Variants in GRM1 observed in about 807,000 individuals in gnomAD.
The protein encoded by GRM1 is metabotropic glutamate receptor 1.
Under a neutral mutation model 90.9 loss-of-function variants are expected in GRM1, and 33 were observed. That is an observed-to-expected ratio of 0.36 (90% confidence interval 0.28 to 0.49). The LOEUF is 0.49. Ranked by LOEUF, GRM1 falls within the 20% of genes least tolerant of loss-of-function variation. The probability of loss-of-function intolerance (pLI) is 0.99; values close to 1 mark genes in which losing one functional copy is unlikely to be tolerated. For missense variants in GRM1, 1,190 were observed against 1,534.3 expected (o/e 0.78, Z 3.75); for synonymous variants, 700 against 613.2 (o/e 1.14, Z -2.09).
chr6:146,048,230 GA>G (rs1226261369), intron 1 of GRM1, among the ~76,000 whole-genome samples: 5 of 151,960 alleles, frequency 3.3e-5, no homozygotes, highest in Non-Finnish European at 7.4e-5. Flanking sequence ...GTTTTGTTAA[GA>G]GGCAATCTAA....
intron 2 of GRM1, among the ~76,000 whole-genome samples, chr6:146,189,230 C>T (rs185355207): frequency 3.8e-4 from 58 of 152,194 alleles, no homozygotes; most frequent in Non-Finnish European, 7.1e-4. Flanking sequence ...CCTTAAGATC[C>T]TTGATCTGGT....
At chr6:146,163,858 C>T (rs866355758) in intron 2 of GRM1, among the ~76,000 whole-genome samples, 44 of 152,094 alleles carry the variant, frequency 2.9e-4, no homozygotes, top group Middle Eastern at 6.8e-3. Flanking sequence ...TTAAATATTT[C>T]CTATGATAAT....
chr6:146,086,582 T>C (rs1279672224), intron 1 of GRM1, among the ~76,000 whole-genome samples: 1 of 151,918 alleles, frequency 6.6e-6, no homozygotes, highest in Non-Finnish European at 1.5e-5. Context: ...GAGATAAATA[T>C]ATTGATTTTA....
At chr6:146,341,450 A>G (rs1784977611) in intron 3 of GRM1, among the ~76,000 whole-genome samples, 2 of 152,216 alleles carry the variant, frequency 1.3e-5, no homozygotes, top group South Asian at 2.1e-4. Flanking sequence ...CATAAAAATG[A>G]ACATGGAATA....
chr6:146,252,274 A>G (rs1282122337), intron 2 of GRM1, among the ~76,000 whole-genome samples: 1 of 152,214 alleles, frequency 6.6e-6, no homozygotes, highest in Non-Finnish European at 1.5e-5. Context: ...GGTTTGATTC[A>G]CTTTTTAATA....
chr6:146,159,259 A>T, intron 1 of GRM1, 89 bp from the exon 2 acceptor site: 4 of 1,527,140 alleles, frequency 2.6e-6, no homozygotes, highest in Non-Finnish European at 3.6e-6. Context: ...CGTTCTCTCC[A>T]TTCCTGTGAC....
Position 146,436,785 on chromosome 6 carries a change from A to T in GRM1, c.*1989A>T, listed in dbSNP as rs1285734863. ...CTTTGTTTATGCCTTATGTTCAGTC[A>T]TATTTTAATATGCTTCCTTCATATT... On this transcript the variant is annotated 3_prime_UTR_variant, in exon 8 of 8. Coordinates refer to ENST00000282753, the MANE Select transcript of GRM1 (RefSeq NM_001278064.2). The T allele has an allele frequency of 1.3e-5, 2 of 152,630 alleles. No homozygotes were observed. Among genetic ancestry groups the T allele is most frequent in the African/African-American group, 4.8e-5 (2 of 41,464 alleles). The allele number at this position is 152,630 out of a possible 1,614,324, so 9.5% of individuals were successfully genotyped here. A position where few individuals can be genotyped will look rare whatever the true frequency, so the allele number is the denominator to read the frequency against.
intron 1 of GRM1, among the ~76,000 whole-genome samples, chr6:146,034,794 C>T (rs772877448): frequency 6.6e-6 from 1 of 151,928 alleles, no homozygotes; most frequent in Non-Finnish European, 1.5e-5. Flanking sequence ...TACTACCTTG[C>T]AAATGTATAA....
At chr6:146,214,239 A>G (rs563462557) in intron 2 of GRM1, among the ~76,000 whole-genome samples, 8 of 152,336 alleles carry the variant, frequency 5.3e-5, no homozygotes, top group South Asian at 4.2e-4. Context: ...ACTGCTCTCT[A>G]TAATACTCCA....
intron 7 of GRM1, among the ~76,000 whole-genome samples, chr6:146,424,531 T>C (rs1778126711): frequency 6.6e-6 from 1 of 152,196 alleles, no homozygotes; most frequent in African/African-American, 2.4e-5. Context: ...ATTTCCCCAT[T>C]GACCATCACT....
chr6:146,248,282 A>G (rs958819962), intron 2 of GRM1, among the ~76,000 whole-genome samples: 2 of 152,216 alleles, frequency 1.3e-5, no homozygotes, highest in African/African-American at 4.8e-5. Flanking sequence ...TGTATAAATT[A>G]CTGTCAAGAT....
intron 3 of GRM1, among the ~76,000 whole-genome samples, chr6:146,321,321 G>A (rs571891897): frequency 2.6e-5 from 4 of 152,106 alleles, no homozygotes; most frequent in Non-Finnish European, 2.9e-5. Context: ...ATTTGACTAC[G>A]CTGTCGTCTG....
Position 146,049,407 on chromosome 6 carries a change from C to T in GRM1, c.700+19190C>T, listed in dbSNP as rs193177044. Reference sequence around the variant, plus strand: ...ACCCCCCTTTTCTCCTTTTCTTACACGTCAGTACTCCAGGATTTACGACTT... The same window carrying T: ...ACCCCCCTTTTCTCCTTTTCTTACATGTCAGTACTCCAGGATTTACGACTT... On this transcript the variant is annotated intron_variant, in intron 1 of 7. Transcript: ENST00000282753. Among the ~76,000 whole-genome samples the T allele has an allele frequency of 1.6e-3, 245 of 152,060 alleles. 2 individuals carry two copies. Among genetic ancestry groups the T allele is most frequent in the Non-Finnish European group, 1.1e-3 (77 of 67,938 alleles).
intron 5 of GRM1, among the ~76,000 whole-genome samples, chr6:146,380,711 C>T (rs1776289915): frequency 6.6e-6 from 1 of 152,074 alleles, no homozygotes; most frequent in Admixed American, 6.6e-5. Flanking sequence ...CCATATCCAC[C>T]ACAGCTGGTA....
chr6:146,086,249 C>T (rs1776541462), intron 1 of GRM1, among the ~76,000 whole-genome samples: 1 of 152,144 alleles, frequency 6.6e-6, no homozygotes, highest in African/African-American at 2.4e-5. Context: ...GATAGCTATA[C>T]AAACTCTGAT....
rs1374865690 is a variant in GRM1 at position 146,434,899 on chromosome 6, G to C, written c.*103G>C. On this transcript the variant is annotated 3_prime_UTR_variant, in exon 8 of 8. Coordinates refer to ENST00000282753, the MANE Select transcript of GRM1 (RefSeq NM_001278064.2). ...GAAAAGCCTGGGAGTGGGGGGCCTC[G>C]TCGGGAGGACAGGAGACCGCTGCTG... is the stretch of plus-strand genomic sequence containing the variant. 9.9e-7 allele frequency: 1 copy of C among 1,011,564 alleles called. No individual in the cohort carries two copies. Among genetic ancestry groups the C allele is most frequent in the Non-Finnish European group, 1.5e-6 (1 of 658,716 alleles). The allele number at this position is 1,011,564 out of a possible 1,614,324, so 62.7% of individuals were successfully genotyped here.
chr6:146,210,915 G>T (rs1304115469), intron 2 of GRM1, among the ~76,000 whole-genome samples: 1 of 152,058 alleles, frequency 6.6e-6, no homozygotes, highest in Non-Finnish European at 1.5e-5. Flanking sequence ...CAGGAATGGG[G>T]AGAGACCTTT....
intron 2 of GRM1, among the ~76,000 whole-genome samples, chr6:146,178,473 T>C (rs192385060): frequency 9.9e-4 from 151 of 152,308 alleles, no homozygotes; most frequent in Middle Eastern, 3.4e-3. Context: ...AGTCTAAACA[T>C]GGAAATTAAT....
chr6:146,218,266 G>A (rs902796735), intron 2 of GRM1, among the ~76,000 whole-genome samples: 2 of 152,136 alleles, frequency 1.3e-5, no homozygotes, highest in East Asian at 1.9e-4. Flanking sequence ...CTGTGAGATC[G>A]AGAATAAGGT....
Sources: allele counts gnomAD v4.1 joint callset (sites outside exome capture counted in the v4.1 genomes callset), GRCh38; gene constraint gnomAD v4.1.1; transcripts MANE v1.5; gene names NCBI Gene and HGNC (gene_info 2026-07-23, HGNC 2026-07-21).